The following INPP4B variants were observed in gnomAD, a reference collection of about 807,000 sequenced individuals.
INPP4B encodes the protein inositol polyphosphate 4-phosphatase type II.
In INPP4B, 55 loss-of-function variants were observed where a neutral mutation model predicts 122.5. That is an observed-to-expected ratio of 0.45 (90% confidence interval 0.36 to 0.56). INPP4B has a LOEUF of 0.56. Ranked by LOEUF, INPP4B falls within the 20% of genes least tolerant of loss-of-function variation. INPP4B has a pLI of 0.00. For missense variants in INPP4B, 1,000 were observed against 1,097.7 expected (o/e 0.91, Z 1.26); for synonymous variants, 403 against 388.7 (o/e 1.04, Z -0.43).
intron 2 of INPP4B, among the ~76,000 whole-genome samples, chr4:142,506,033 A>AT (rs1396973205): frequency 1.3e-5 from 2 of 152,152 alleles, no homozygotes; most frequent in Admixed American, 1.3e-4. Context: ...CATTTTGAAG[A>AT]TAAAGAAATT....
intron 25 of INPP4B, among the ~76,000 whole-genome samples, chr4:142,070,297 T>TA (rs1326554806): frequency 6.6e-6 from 1 of 152,138 alleles, no homozygotes; most frequent in Non-Finnish European, 1.5e-5. Context: ...CCTTTCATGA[T>TA]AAAAACTCTC....
At chr4:142,305,841 A>G in intron 8 of INPP4B, 1 of 1,119,908 alleles carries the variant, frequency 8.9e-7, no homozygotes, top group African/African-American at 1.6e-5. Context: ...ATGAAAACTG[A>G]AGGAAAATAA....
At chr4:142,443,680 G>T (rs767505673) in intron 3 of INPP4B, among the ~76,000 whole-genome samples, 1 of 152,078 alleles carries the variant, frequency 6.6e-6, no homozygotes, top group Non-Finnish European at 1.5e-5. Flanking sequence ...ACCAGAGGGG[G>T]CATGCAAGCA....
intron 16 of INPP4B, among the ~76,000 whole-genome samples, chr4:142,166,426 C>G (rs960953950): frequency 6.6e-6 from 1 of 151,722 alleles, no homozygotes; most frequent in East Asian, 1.9e-4. Context: ...AAACCCAAAA[C>G]TATAAAAACC....
At chr4:142,313,355 A>G (rs1367968951) in intron 8 of INPP4B, among the ~76,000 whole-genome samples, 1 of 152,204 alleles carries the variant, frequency 6.6e-6, no homozygotes, top group Non-Finnish European at 1.5e-5. Context: ...TAAATGGAAC[A>G]CCTTGATAGA....
rs548022445 is a variant in INPP4B, at chr4:142,608,083, AGTT to A, written c.-191+117753_-191+117755del. ...ATTTTCAGAGCACAAGCATTAAAGAAGTTGTTTGGTTTTTTGTTTTAAATAAAT... is the reference window on the plus strand; with the variant it reads ...ATTTTCAGAGCACAAGCATTAAAGAAGTTTGGTTTTTTGTTTTAAATAAAT... On this transcript the variant is annotated intron_variant, in intron 2 of 25. Coordinates refer to ENST00000262992, the MANE Select transcript of INPP4B (RefSeq NM_001101669.3). Among the ~76,000 whole-genome samples, 258 of 152,266 alleles carry A rather than the reference AGTT, an allele frequency of 1.7e-3. 1 individual carries two copies. The highest frequency in any genetic ancestry group is 6.0e-3 in the African/African-American group (249 of 41,568).
chr4:142,318,544 C>G (rs1055857946), intron 7 of INPP4B, among the ~76,000 whole-genome samples: 18 of 152,104 alleles, frequency 1.2e-4, no homozygotes, highest in African/African-American at 3.9e-4. Context: ...CTTCACTATT[C>G]CCCTCCCTGT....
intron 14 of INPP4B, among the ~76,000 whole-genome samples, chr4:142,206,019 C>T (rs73850819): frequency 0.058 from 8,757 of 152,032 alleles, 882 homozygotes; most frequent in African/African-American, 0.2. Flanking sequence ...CTAACAGTTC[C>T]GGAGGCTAGG....
chr4:142,784,392 T>C (rs574897883), intron 1 of INPP4B, among the ~76,000 whole-genome samples: 1 of 149,172 alleles, frequency 6.7e-6, no homozygotes, highest in Non-Finnish European at 1.5e-5. Flanking sequence ...AATAAATAAA[T>C]AAATAAATAA....
intron 23 of INPP4B, among the ~76,000 whole-genome samples, chr4:142,100,645 C>T (rs575901204): frequency 1.3e-5 from 2 of 152,264 alleles, no homozygotes; most frequent in South Asian, 4.1e-4. Context: ...CTCAATTGTC[C>T]TTCTCTTCCT....
At chr4:142,305,583 A>G (rs1763038091) in intron 8 of INPP4B, 46 bp from the exon 9 acceptor site, 1 of 1,575,810 alleles carries the variant, frequency 6.3e-7, no homozygotes, top group South Asian at 1.2e-5. Context: ...AGGTTCTTTA[A>G]TATTTTTGCT....
chr4:142,049,701 A>AG (rs769086442), intron 25 of INPP4B, among the ~76,000 whole-genome samples: 4 of 151,760 alleles, frequency 2.6e-5, no homozygotes, highest in Non-Finnish European at 5.9e-5. Context: ...TTCTGTAGGA[A>AG]GAAAAAAAGA....
chr4:142,696,859 C>G (rs947895136), intron 2 of INPP4B, among the ~76,000 whole-genome samples: 5 of 152,238 alleles, frequency 3.3e-5, no homozygotes, highest in African/African-American at 1.2e-4. Context: ...TAAATTACTT[C>G]CCTTTGCATG....
intron 1 of INPP4B, among the ~76,000 whole-genome samples, chr4:142,754,289 C>A (rs1770172471): frequency 6.6e-6 from 1 of 152,010 alleles, no homozygotes; most frequent in African/African-American, 2.4e-5. Flanking sequence ...TCCAGGACAT[C>A]TTTTACTAGT....
chr4:142,738,952 G>A (rs1767481998), intron 1 of INPP4B, among the ~76,000 whole-genome samples: 1 of 152,004 alleles, frequency 6.6e-6, no homozygotes, highest in South Asian at 2.1e-4. Flanking sequence ...AGTTGACCTA[G>A]GGGTTTCTTG....
At chr4:142,633,598 A>G (rs1253976750) in intron 2 of INPP4B, among the ~76,000 whole-genome samples, 1 of 152,174 alleles carries the variant, frequency 6.6e-6, no homozygotes, top group Non-Finnish European at 1.5e-5. Context: ...CTAAATGGAT[A>G]TAATGGGAAA....
chr4:142,657,710 G>A (rs1754413111), intron 2 of INPP4B, among the ~76,000 whole-genome samples: 1 of 152,174 alleles, frequency 6.6e-6, no homozygotes, highest in Non-Finnish European at 1.5e-5. Context: ...GAGGTTCTTT[G>A]TGTAAACATA....
At chr4:142,174,803 A>AT (rs1274956907) in intron 15 of INPP4B, among the ~76,000 whole-genome samples, 6 of 151,268 alleles carry the variant, frequency 4.0e-5, no homozygotes, top group African/African-American at 1.5e-4. Context: ...TTAAAAAAAA[A>AT]TTTTTTCATA....
At chr4:142,792,163 G>A (rs1776638076) in intron 1 of INPP4B, among the ~76,000 whole-genome samples, 1 of 152,052 alleles carries the variant, frequency 6.6e-6, no homozygotes, top group South Asian at 2.1e-4. Context: ...TGAGGCAGAA[G>A]GATCGCTTGA....
Sources: allele counts gnomAD v4.1 joint callset (sites outside exome capture counted in the v4.1 genomes callset), GRCh38; gene constraint gnomAD v4.1.1; transcripts MANE v1.5; gene names NCBI Gene and HGNC (gene_info 2026-07-23, HGNC 2026-07-21).